Variants in RAB38 observed in about 807,000 individuals in gnomAD.
RAB38 encodes RAB38, member RAS oncogene family.
In RAB38, 15 loss-of-function variants were observed where a neutral mutation model predicts 18.4. The ratio of observed to expected loss-of-function variants is 0.82; its 90% CI spans 0.55 to 1.26. The LOEUF (loss-of-function observed/expected upper bound fraction) is 1.26. RAB38 is among the 50% of genes most tolerant of loss of function. The probability of loss-of-function intolerance (pLI) is 0.00; values close to 1 mark genes in which losing one functional copy is unlikely to be tolerated. For synonymous variants in RAB38, 101 were observed against 104.4 expected, an observed-to-expected ratio of 0.97 and a Z score of 0.20; for missense variants, 294 against 267.4, an observed-to-expected ratio of 1.10 and a Z score of -0.69.
chr11:88,047,102 C>T, the RAB38 span, among the ~76,000 whole-genome samples: 1 of 152,204 alleles, frequency 6.6e-6, no homozygotes, highest in Non-Finnish European at 1.5e-5. Context: ...GCTCAACTTA[C>T]TCTCTACAGT....
At chr11:88,154,249 C>A (rs1943098556) in intron 1 of RAB38, among the ~76,000 whole-genome samples, 2 of 152,174 alleles carry the variant, frequency 1.3e-5, no homozygotes, top group Admixed American at 1.3e-4. Context: ...CATTTTTAAT[C>A]CGAGTGCATA....
At chr11:87,948,705 G>A in the RAB38 span, among the ~76,000 whole-genome samples, 815 of 143,002 alleles carry the variant, frequency 5.7e-3, 42 homozygotes, top group African/African-American at 0.021. Flanking sequence ...ATTGATTTGC[G>A]TATATTGAAC....
chr11:87,963,747 A>T, the RAB38 span, among the ~76,000 whole-genome samples: 2,257 of 151,784 alleles, frequency 0.015, 56 homozygotes, highest in African/African-American at 0.052. Flanking sequence ...CCCGGGTTCA[A>T]GTGATTCTCC....
chr11:87,925,638 A>G, the RAB38 span, among the ~76,000 whole-genome samples: 2 of 152,052 alleles, frequency 1.3e-5, no homozygotes, highest in South Asian at 2.1e-4. Flanking sequence ...AGGGAAATCA[A>G]AGGTTGAGCT....
chr11:88,013,368 G>A, the RAB38 span, among the ~76,000 whole-genome samples: 1 of 152,110 alleles, frequency 6.6e-6, no homozygotes, highest in Non-Finnish European at 1.5e-5. Context: ...ATGTTCAACA[G>A]AATAGAAGTG....
intron 1 of RAB38, among the ~76,000 whole-genome samples, chr11:88,162,078 C>T (rs1943194116): frequency 6.6e-6 from 1 of 152,046 alleles, no homozygotes; most frequent in Admixed American, 6.6e-5. Flanking sequence ...ATGGCTTGTG[C>T]TGGTTTTGAA....
the RAB38 span, among the ~76,000 whole-genome samples, chr11:87,921,460 T>C: frequency 6.6e-6 from 1 of 151,740 alleles, no homozygotes; most frequent in Non-Finnish European, 1.5e-5. Flanking sequence ...TGATGTTTAG[T>C]AAGTTAGGCA....
At chr11:87,809,856 C>A in the RAB38 span, among the ~76,000 whole-genome samples, 2 of 151,974 alleles carry the variant, frequency 1.3e-5, no homozygotes, top group African/African-American at 4.8e-5. Context: ...TTTTCAAGTT[C>A]TTTCCTATTC....
chr11:87,941,981 T>G, the RAB38 span, among the ~76,000 whole-genome samples: 53 of 152,286 alleles, frequency 3.5e-4, no homozygotes, highest in African/African-American at 1.1e-3. Context: ...TGTCTGGGTA[T>G]TTGGTGATGA....
At chr11:87,835,122 G>T in the RAB38 span, among the ~76,000 whole-genome samples, 5 of 152,204 alleles carry the variant, frequency 3.3e-5, no homozygotes, top group Admixed American at 6.5e-5. Flanking sequence ...AACCAAATCT[G>T]ACTAATAGAA....
the RAB38 span, among the ~76,000 whole-genome samples, chr11:87,880,301 G>A: frequency 1.3e-5 from 2 of 151,712 alleles, no homozygotes; most frequent in Non-Finnish European, 2.9e-5. Context: ...TGGAATATGG[G>A]TGGAAATAAT....
the RAB38 span, among the ~76,000 whole-genome samples, chr11:87,953,405 T>C: frequency 6.6e-6 from 1 of 152,194 alleles, no homozygotes; most frequent in African/African-American, 2.4e-5. Context: ...TTAGCAATAG[T>C]ACAGTAGTCC....
chr11:87,940,887 C>G, the RAB38 span, among the ~76,000 whole-genome samples: 1 of 151,968 alleles, frequency 6.6e-6, no homozygotes, highest in African/African-American at 2.4e-5. Context: ...CCTCCTCGGC[C>G]TCCCAAAGTG....
At chr11:87,946,163 ATC>A in the RAB38 span, among the ~76,000 whole-genome samples, 8 of 152,144 alleles carry the variant, frequency 5.3e-5, no homozygotes, top group Non-Finnish European at 1.2e-4. Flanking sequence ...TAAAGGGTTA[ATC>A]TCTCTACCTT....
At chr11:88,056,903 A>G in the RAB38 span, among the ~76,000 whole-genome samples, 1,805 of 152,300 alleles carry the variant, frequency 0.012, 42 homozygotes, top group African/African-American at 0.041. Context: ...AAACTACCAA[A>G]TCACCAAACC....
At chr11:87,877,197 T>C in the RAB38 span, among the ~76,000 whole-genome samples, 1 of 151,506 alleles carries the variant, frequency 6.6e-6, no homozygotes, top group African/African-American at 2.4e-5. Context: ...CTGCTTCTTT[T>C]GCACTGATTC....
chr11:88,161,366 TCAC>T (rs1182526176), intron 1 of RAB38, among the ~76,000 whole-genome samples: 5 of 151,200 alleles, frequency 3.3e-5, no homozygotes, highest in East Asian at 1.9e-4. Context: ...CCCTTAAATC[TCAC>T]CACATTTGTG....
the RAB38 span, among the ~76,000 whole-genome samples, chr11:87,902,309 A>G: frequency 2.8e-4 from 42 of 151,560 alleles, 1 homozygote; most frequent in Non-Finnish European, 5.3e-4. Flanking sequence ...TTTTACAAAT[A>G]CTTTTCATAT....
At chr11:87,891,413 T>C in the RAB38 span, among the ~76,000 whole-genome samples, 1 of 151,862 alleles carries the variant, frequency 6.6e-6, no homozygotes, top group Admixed American at 6.6e-5. Flanking sequence ...CTTAATGAGA[T>C]TGCTTACCAC....
Sources: gnomAD v4.1 joint callset for allele counts (sites outside exome capture counted in the v4.1 genomes callset) on GRCh38, gnomAD v4.1.1 for gene constraint, MANE v1.5 for transcripts, NCBI Gene and HGNC (gene_info 2026-07-23, HGNC 2026-07-21) for gene names.